TMEFF2: variants seen among roughly 807,000 people sequenced by gnomAD.
The protein encoded by TMEFF2 is tomoregulin-2.
A neutral mutation model predicts 53.8 loss-of-function variants in TMEFF2; 28 were observed. That is an observed-to-expected ratio of 0.52 (90% CI 0.39 to 0.71). TMEFF2 has a LOEUF of 0.71. TMEFF2 is among the 30% of genes least tolerant of loss of function. TMEFF2 has a pLI of 0.00. For missense variants in TMEFF2, 353 were observed against 455.2 expected (o/e 0.78, Z 2.04); for synonymous variants, 162 against 166.3 (o/e 0.97, Z 0.20).
intron 4 of TMEFF2, among the ~76,000 whole-genome samples, chr2:192,132,972 C>T (rs976659906): frequency 6.6e-6 from 1 of 152,152 alleles, no homozygotes; most frequent in Non-Finnish European, 1.5e-5. Flanking sequence ...GAAAGTAAGT[C>T]CGTCCCCTTA....
rs776190134 is a variant in TMEFF2, at chr2:192,194,438, T to A, written c.87A>T (p.Leu29=). 6.2e-7 allele frequency: 1 copy of A among 1,613,662 alleles called. No homozygotes were observed. Among genetic ancestry groups the A allele is most frequent in the African/African-American group, 1.3e-5 (1 of 74,736 alleles). The part of the protein sequence containing the change: ...FCWLLLLPVM[L]LIVARPVKLA... Reference sequence around the variant, plus strand: ...GCTTCACCGGGCGGGCTACGATGAGTAGCATGACGGGCAGCAGCAGCAGCC... The same window carrying A: ...GCTTCACCGGGCGGGCTACGATGAGAAGCATGACGGGCAGCAGCAGCAGCC... The change falls in exon 1 of 10, where the codon CTA becomes CTT. Residue 29 remains leucine (L), a synonymous_variant. Coordinates refer to ENST00000272771, the MANE Select transcript of TMEFF2 (RefSeq NM_016192.4). This position sits in a 1 kb window ranked among gnomAD's most constrained non-coding sequence, Gnocchi z 4.2.
At chr2:192,097,828 A>G (rs1198338502) in intron 4 of TMEFF2, among the ~76,000 whole-genome samples, 1 of 152,170 alleles carries the variant, frequency 6.6e-6, no homozygotes, top group Non-Finnish European at 1.5e-5. Context: ...TTATAAATGA[A>G]TTAAAGAAGG....
Position 192,194,677 on chromosome 2 carries a change from C to A in TMEFF2, c.-153G>T. The stretch of plus-strand genomic sequence containing the variant: ...CCGGCGGGGAAGCAGCAGCCAAACC[C>A]GCGCATGATCTCGAGAGTTTCAGCA... On this transcript the variant is annotated 5_prime_UTR_variant, in exon 1 of 10. Transcript: ENST00000272771. This position sits in a 1 kb window ranked among gnomAD's most constrained non-coding sequence, Gnocchi z 4.2. 1 of 745,208 alleles carries A rather than the reference C, an allele frequency of 1.3e-6. No homozygotes were observed. Among genetic ancestry groups the A allele is most frequent in the Non-Finnish European group, 2.2e-6 (1 of 453,304 alleles). 46.2% of individuals were successfully genotyped at this position (745,208 alleles called of 1,614,324 possible).
chr2:192,029,614 C>T (rs1481445144), intron 5 of TMEFF2, among the ~76,000 whole-genome samples: 1 of 152,090 alleles, frequency 6.6e-6, no homozygotes, highest in Non-Finnish European at 1.5e-5. Flanking sequence ...ACAACATTTC[C>T]CAAACCACTT....
chr2:192,177,227 T>C (rs946898897), intron 4 of TMEFF2: 1 of 151,148 alleles, frequency 6.6e-6, no homozygotes, highest in Admixed American at 6.6e-5. Flanking sequence ...ACCTTGGTAA[T>C]ACGAATTCTA....
rs374863622 is a variant in TMEFF2 at position 191,974,270 on chromosome 2, G to T, written c.746-17892C>A. On this transcript the variant is annotated intron_variant, in intron 7 of 9. Transcript: ENST00000272771. ...AGATAATTGAGACAGAATTTTTTTT[G>T]TGTGTGTGTGTGGCCTGGAGAGATT... Among the ~76,000 whole-genome samples, 130 of 149,828 alleles carry T rather than the reference G, an allele frequency of 8.7e-4. 2 individuals are homozygous for T. The highest frequency in any genetic ancestry group is 8.3e-3 in the East Asian group (43 of 5,156).
intron 4 of TMEFF2, among the ~76,000 whole-genome samples, chr2:192,114,550 T>A (rs902036671): frequency 1.3e-5 from 2 of 150,778 alleles, no homozygotes; most frequent in East Asian, 2.0e-4. Context: ...TATATATATA[T>A]AACTCTAAAG....
At chr2:192,034,383 C>A (rs1455133013) in intron 5 of TMEFF2, among the ~76,000 whole-genome samples, 2 of 151,976 alleles carry the variant, frequency 1.3e-5, no homozygotes, top group Non-Finnish European at 2.9e-5. Flanking sequence ...AAAATATATT[C>A]ATTCCCTTCC....
chr2:191,964,271 T>TTTC (rs143472242), intron 7 of TMEFF2, among the ~76,000 whole-genome samples: 101,796 of 129,954 alleles, frequency 0.78, 36,900 homozygotes, highest in East Asian at 0.84. Flanking sequence ...TTTCTTTTCT[T>TTTC]TTTTCTTTTC....
chr2:192,020,666 G>T lies in TMEFF2; in HGVS notation c.537-21458C>A, dbSNP rs149303507. ...GTTGGGAAAGTTATTTTCAAAAAGT[G>T]TTATGGTAAGGGATACTATTAATGG... On this transcript the variant is annotated intron_variant, in intron 5 of 9. Coordinates refer to ENST00000272771, the MANE Select transcript of TMEFF2 (RefSeq NM_016192.4). 1.5e-3 allele frequency among the ~76,000 whole-genome samples: 228 copies of T among 152,174 alleles called. 1 individual carries two copies. The highest frequency in any genetic ancestry group is 5.1e-3 in the African/African-American group (211 of 41,564).
At chr2:192,136,741 A>G (rs1316151666) in intron 4 of TMEFF2, among the ~76,000 whole-genome samples, 1 of 152,072 alleles carries the variant, frequency 6.6e-6, no homozygotes, top group Non-Finnish European at 1.5e-5. Context: ...CCTTTTTTAA[A>G]CATTAAGTTT....
chr2:192,069,533 A>G (rs979160754), intron 4 of TMEFF2, among the ~76,000 whole-genome samples: 5 of 151,962 alleles, frequency 3.3e-5, no homozygotes, highest in East Asian at 3.9e-4. Context: ...ACAAACCAAA[A>G]AAAACCCCAC....
intron 7 of TMEFF2, among the ~76,000 whole-genome samples, chr2:191,964,383 T>TC (rs1491472250): frequency 8.7e-5 from 2 of 23,080 alleles, no homozygotes; most frequent in Non-Finnish European, 2.1e-4. Context: ...TCTTTCTTTC[T>TC]TTCTTTCTTT....
chr2:191,991,923 T>C (rs1403873172), intron 7 of TMEFF2, among the ~76,000 whole-genome samples: 1 of 152,060 alleles, frequency 6.6e-6, no homozygotes, highest in Non-Finnish European at 1.5e-5. Flanking sequence ...GGCTACATGA[T>C]TTTATGGGGA....
At chr2:192,116,049 A>G (rs1008462749) in intron 4 of TMEFF2, among the ~76,000 whole-genome samples, 1 of 152,086 alleles carries the variant, frequency 6.6e-6, no homozygotes, top group Non-Finnish European at 1.5e-5. Flanking sequence ...TCATTACAGC[A>G]TTATTCACAG....
chr2:191,950,142 A>AATATATCCATACATAATCAAAT lies in TMEFF2; in HGVS notation c.*147_*168dup. The AATATATCCATACATAATCAAAT allele has an allele frequency of 2.1e-6, 3 of 1,399,692 alleles. No individual in the cohort carries two copies. The highest frequency in any genetic ancestry group is 1.9e-6 in the Non-Finnish European group (2 of 1,078,922). The allele number at this position is 1,399,692 out of a possible 1,614,324, so 86.7% of individuals were successfully genotyped here. On this transcript the variant is annotated 3_prime_UTR_variant, in exon 10 of 10. Transcript: ENST00000272771. Reference sequence around the variant, plus strand: ...CATCAAGACAATGTATACTATTTCAAATATATCCATACATAATCAAATATA... The same window carrying AATATATCCATACATAATCAAAT: ...CATCAAGACAATGTATACTATTTCAAATATATCCATACATAATCAAATATATATCCATACATAATCAAATATA...
At chr2:192,075,286 TA>T (rs1688384483) in intron 4 of TMEFF2, among the ~76,000 whole-genome samples, 4 of 15,026 alleles carry the variant, frequency 2.7e-4, no homozygotes, top group African/African-American at 9.0e-4. Flanking sequence ...ACAGTACTAT[TA>T]TATATATATA....
chr2:191,955,524 ATTTTTTT>A (rs71405028), intron 8 of TMEFF2, among the ~76,000 whole-genome samples: 10 of 60,306 alleles, frequency 1.7e-4, no homozygotes, highest in South Asian at 8.7e-4. Context: ...CTAATTCTTA[ATTTTTTT>A]TTTTTTTTTT....
In TMEFF2 at chr2:191,949,453, T is replaced by C; in HGVS notation, c.*858A>G. ...ATATACTATACATATTGTATGGTGC[T>C]TTTGAGAATTCACGATTTTGGTGTT... is the stretch of plus-strand genomic sequence containing the variant. On this transcript the variant is annotated 3_prime_UTR_variant, in exon 10 of 10. Transcript: ENST00000272771. 1 of 985,434 alleles carries C rather than the reference T, an allele frequency of 1.0e-6. No homozygotes were observed. The highest frequency in any genetic ancestry group is 1.7e-5 in the African/African-American group (1 of 57,368). The allele number at this position is 985,434 out of a possible 1,614,324, so 61.0% of individuals were successfully genotyped here.
Sources: gnomAD v4.1 joint callset for allele counts (sites outside exome capture counted in the v4.1 genomes callset) on GRCh38, gnomAD v4.1.1 for gene constraint, Gnocchi (gnomAD v3.1) non-coding constraint, MANE v1.5 for transcripts, NCBI Gene and HGNC (gene_info 2026-07-23, HGNC 2026-07-21) for gene names.